The following TCF24 variants were observed in gnomAD, a reference collection of about 807,000 sequenced individuals.
TCF24 encodes the protein transcription factor 24.
A neutral mutation model predicts 9.3 loss-of-function variants in TCF24; 5 were observed. The ratio of observed to expected loss-of-function variants is 0.54; its 90% confidence interval spans 0.28 to 1.13. TCF24 has a LOEUF of 1.13. Among genes scored for constraint, TCF24 ranks in the 50% most tolerant of loss-of-function variants. The probability of loss-of-function intolerance (pLI) is 0.09; values close to 1 mark genes in which losing one functional copy is unlikely to be tolerated. For synonymous variants in TCF24, 110 were observed against 115.8 expected (o/e 0.95, Z 0.32); for missense variants, 220 against 236.1 (o/e 0.93, Z 0.45).
chr8:66,960,979 A>G (rs1206843859), intron 3 of TCF24, among the ~76,000 whole-genome samples: 1 of 152,234 alleles, frequency 6.6e-6, no homozygotes, highest in Non-Finnish European at 1.5e-5. Flanking sequence ...AAATCAATGA[A>G]AGCGTAATTA....
intron 3 of TCF24, among the ~76,000 whole-genome samples, chr8:66,958,831 C>G (rs961272784): frequency 6.6e-6 from 1 of 152,192 alleles, no homozygotes; most frequent in African/African-American, 2.4e-5. Context: ...GAAATACACT[C>G]CTGTTTCTTA....
At chr8:66,955,578 A>T (rs1814140766) in intron 3 of TCF24, among the ~76,000 whole-genome samples, 1 of 152,238 alleles carries the variant, frequency 6.6e-6, no homozygotes, top group Non-Finnish European at 1.5e-5. Context: ...AGGTACAATT[A>T]TTAACATGCC....
At chr8:66,959,240 C>T (rs1814216090) in intron 3 of TCF24, among the ~76,000 whole-genome samples, 1 of 152,164 alleles carries the variant, frequency 6.6e-6, no homozygotes, top group Non-Finnish European at 1.5e-5. Flanking sequence ...AAATAATGGC[C>T]TTGAAATATT....
intron 3 of TCF24, among the ~76,000 whole-genome samples, chr8:66,951,598 G>C (rs1316867823): frequency 6.6e-6 from 1 of 152,194 alleles, no homozygotes; most frequent in African/African-American, 2.4e-5. Flanking sequence ...TCAGAATGAT[G>C]CTGGCCTCAT....
intron 3 of TCF24, among the ~76,000 whole-genome samples, chr8:66,951,207 A>G (rs1814054473): frequency 7.4e-6 from 1 of 135,154 alleles, no homozygotes; most frequent in African/African-American, 2.9e-5. Context: ...TTGCCCATTC[A>G]GTATGATATT....
intron 3 of TCF24, among the ~76,000 whole-genome samples, chr8:66,959,913 A>T (rs1309769279): frequency 6.6e-6 from 1 of 152,230 alleles, no homozygotes; most frequent in Admixed American, 6.5e-5. Context: ...TTACATGGAA[A>T]TGATGCTTCC....
At chr8:66,951,334 C>A (rs1814056446) in intron 3 of TCF24, among the ~76,000 whole-genome samples, 1 of 147,024 alleles carries the variant, frequency 6.8e-6, no homozygotes, top group Non-Finnish European at 1.5e-5. Flanking sequence ...GCCTTTTCTG[C>A]ATCTATTGAG....
chr8:66,950,813 TG>T (rs1814047434), intron 3 of TCF24, among the ~76,000 whole-genome samples: 1 of 150,064 alleles, frequency 6.7e-6, no homozygotes, highest in South Asian at 2.1e-4. Flanking sequence ...TCACATCCCT[TG>T]TAAGTTGGAT....
At chr8:66,948,367 TTTGA>T (rs527243687) in intron 3 of TCF24, among the ~76,000 whole-genome samples, 1 of 152,170 alleles carries the variant, frequency 6.6e-6, no homozygotes, top group Non-Finnish European at 1.5e-5. Context: ...ATACTCAGAC[TTTGA>T]TTAACATTTT....
rs1813982661 is a variant in TCF24, at chr8:66,947,529, T to C, written c.*522A>G. ...ACCATTTCTAATACTCCAAACAAGT[T>C]TTCTAAGAGGGAAAAGTAACTACTT... On this transcript the variant is annotated 3_prime_UTR_variant, in exon 4 of 4. Coordinates refer to ENST00000563496, the MANE Select transcript of TCF24 (RefSeq NM_001193502.2). 6.6e-6 allele frequency: 1 copy of C among 152,270 alleles called. No homozygotes were observed. The highest frequency in any genetic ancestry group is 6.5e-5 in the Admixed American group (1 of 15,284). 9.4% of individuals were successfully genotyped at this position (152,270 alleles called of 1,614,324 possible).
intron 3 of TCF24, chr8:66,955,265 A>G (rs1814134657): frequency 6.6e-6 from 1 of 152,186 alleles, no homozygotes; most frequent in African/African-American, 2.4e-5. Flanking sequence ...AACATATTAC[A>G]TGAGTAGTTC....
In TCF24 at chr8:66,961,521, T is replaced by TCGGGCGGCA; in HGVS notation, c.236_244dup (p.Val79_Pro81dup). 6.6e-7 allele frequency: 1 copy of TCGGGCGGCA among 1,516,542 alleles called. No individual in the cohort carries two copies. The highest frequency in any genetic ancestry group is 1.2e-5 in the South Asian group (1 of 81,910). 93.9% of individuals were successfully genotyped at this position (1,516,542 alleles called of 1,614,324 possible). On this transcript the variant is annotated inframe_insertion, in exon 3 of 4. Transcript: ENST00000563496. ...CACGTCCAGCTTGGACAGCTTGGTG[T>TCGGGCGGCA]CGGGCGGCACGGACGGCAGCGTGCG...
chr8:66,948,233 T>A, intron 3 of TCF24, 69 bp from the exon 4 acceptor site: 2 of 1,078,146 alleles, frequency 1.9e-6, no homozygotes, highest in Non-Finnish European at 2.6e-6. Flanking sequence ...TGGTCTACAA[T>A]GTTAAAGATT....
At chr8:66,948,913 C>T (rs1814010477) in intron 3 of TCF24, among the ~76,000 whole-genome samples, 3 of 152,148 alleles carry the variant, frequency 2.0e-5, no homozygotes, top group African/African-American at 7.2e-5. Context: ...CCACGTCGGT[C>T]TTGAACTCCT....
Position 66,961,670 on chromosome 8 carries a change from G to T in TCF24, c.96C>A (p.Thr32=). 1 of 1,116,392 alleles carries T rather than the reference G, an allele frequency of 9.0e-7. No homozygotes were observed. The highest frequency in any genetic ancestry group is 4.3e-5 in the South Asian group (1 of 23,344). 69.2% of individuals were successfully genotyped at this position (1,116,392 alleles called of 1,614,324 possible). A position where few individuals can be genotyped will look rare whatever the true frequency, so the allele number is the denominator to read the frequency against. Residue 32 remains threonine, a synonymous_variant, in exon 3 of 4, where the codon ACC becomes ACA. Transcript: ENST00000563496. ...AAIRDSRPGR[T]GPGPAGPGGG... ...CCCCAGGGCCCGCCGGCCCCGGCCC[G>T]GTCCGCCCGGGACGCGAGTCGCGGA...
intron 3 of TCF24, among the ~76,000 whole-genome samples, chr8:66,956,402 C>T (rs1456615154): frequency 2.0e-5 from 3 of 152,044 alleles, no homozygotes; most frequent in South Asian, 2.1e-4. Flanking sequence ...CTTGCTCTGT[C>T]ACCCAGGCTG....
chr8:66,961,249 T>C (rs1814246613), intron 3 of TCF24, 127 bp downstream of exon 3: 1 of 1,248,016 alleles, frequency 8.0e-7, no homozygotes, highest in African/African-American at 1.6e-5. Context: ...GCCGAGGTCG[T>C]TCTCCCGGTC....
At chr8:66,956,319 T>C (rs1278115931) in intron 3 of TCF24, among the ~76,000 whole-genome samples, 1 of 152,086 alleles carries the variant, frequency 6.6e-6, no homozygotes, top group African/African-American at 2.4e-5. Context: ...TCATTGTCAG[T>C]GGTCCTGTTC....
rs1268413559 is a variant in TCF24, at chr8:66,946,974, T to C, written c.*1077A>G. 6.6e-6 allele frequency: 1 copy of C among 152,204 alleles called. No homozygotes were observed. The highest frequency in any genetic ancestry group is 1.5e-5 in the Non-Finnish European group (1 of 68,042). 9.4% of individuals were successfully genotyped at this position (152,204 alleles called of 1,614,324 possible). On this transcript the variant is annotated 3_prime_UTR_variant, in exon 4 of 4. Transcript: ENST00000563496. ...TTGATTTCATTCCTTAGGATAAAGA[T>C]TCTTTTTAGCACTTCTTATGTCAAT...
Sources: gnomAD v4.1 joint callset for allele counts (sites outside exome capture counted in the v4.1 genomes callset) on GRCh38, gnomAD v4.1.1 for gene constraint, MANE v1.5 for transcripts, NCBI Gene and HGNC (gene_info 2026-07-23, HGNC 2026-07-21) for gene names.